The following CNTN4 variants were observed in gnomAD, a reference collection of about 807,000 sequenced individuals.
CNTN4 encodes contactin-4.
In CNTN4, 77 loss-of-function variants were observed where a neutral mutation model predicts 122.5. The observed-to-expected ratio is 0.63, with a 90% CI of 0.52 to 0.76. The LOEUF is 0.76. Among genes scored for constraint, CNTN4 ranks in the 30% least tolerant of loss-of-function variants. The pLI, the probability that CNTN4 is intolerant of heterozygous loss-of-function variation, is 0.00. For missense variants in CNTN4, 1,256 were observed against 1,259.1 expected (o/e 1.00, Z 0.04); for synonymous variants, 512 against 447.0 (o/e 1.15, Z -1.83).
At chr3:2,771,537 A>G (rs75687255) in intron 6 of CNTN4, among the ~76,000 whole-genome samples, 9,303 of 152,246 alleles carry the variant, frequency 0.061, 369 homozygotes, top group Non-Finnish European at 0.091. Flanking sequence ...TTCTCTGTAT[A>G]ATGGGGATGA....
At chr3:2,268,468 G>A (rs921457265) in intron 2 of CNTN4, among the ~76,000 whole-genome samples, 2 of 151,034 alleles carry the variant, frequency 1.3e-5, no homozygotes, top group Non-Finnish European at 2.9e-5. Flanking sequence ...TAAATTTTAA[G>A]CTCCTTGGGA....
chr3:2,669,588 C>T (rs1010489511), intron 4 of CNTN4, among the ~76,000 whole-genome samples: 4 of 152,086 alleles, frequency 2.6e-5, no homozygotes, highest in Admixed American at 1.3e-4. Context: ...GTGTCTCTAT[C>T]TCCTTCAGTT....
At chr3:2,573,443 C>G (rs1169577682) in intron 4 of CNTN4, among the ~76,000 whole-genome samples, 1 of 152,186 alleles carries the variant, frequency 6.6e-6, no homozygotes, top group Non-Finnish European at 1.5e-5. Flanking sequence ...TTGTTTTTCT[C>G]TGGGACCTTG....
intron 10 of CNTN4, among the ~76,000 whole-genome samples, chr3:2,894,659 T>A (rs1172712917): frequency 6.6e-6 from 1 of 151,934 alleles, no homozygotes; most frequent in Non-Finnish European, 1.5e-5. Context: ...TTCAGCTGAG[T>A]AAGAGCAGAT....
intron 13 of CNTN4, among the ~76,000 whole-genome samples, chr3:2,961,890 A>T (rs2094864114): frequency 6.6e-6 from 1 of 152,220 alleles, no homozygotes; most frequent in East Asian, 1.9e-4. Flanking sequence ...TCTACAATCC[A>T]TTTGATACTC....
chr3:2,527,178 G>A (rs1195665725), intron 3 of CNTN4, among the ~76,000 whole-genome samples: 1 of 152,168 alleles, frequency 6.6e-6, no homozygotes, highest in Non-Finnish European at 1.5e-5. Flanking sequence ...CACTGTTGGT[G>A]TGAACTCTGG....
At position 2,658,890 on chromosome 3, in the gene CNTN4, T is replaced by C. The variant is rs114757605; in HGVS notation, c.56-77325T>C. 6.2e-3 allele frequency among the ~76,000 whole-genome samples: 937 copies of C among 151,710 alleles called. 9 individuals are homozygous for C. The highest frequency in any genetic ancestry group is 0.022 in the African/African-American group (898 of 41,348). ...CCAGAAAGGGATAAGCTGCAAATCA[T>C]GAATCCATAAGAATAAATACCTACT... is the stretch of plus-strand genomic sequence containing the variant. On this transcript the variant is annotated intron_variant, in intron 4 of 24. Transcript: ENST00000418658.
At chr3:2,368,071 C>CA (rs1559491937) in intron 3 of CNTN4, among the ~76,000 whole-genome samples, 7 of 137,744 alleles carry the variant, frequency 5.1e-5, no homozygotes, top group African/African-American at 2.0e-4. Flanking sequence ...GTCGCTCTGT[C>CA]GCCCAGGCTG....
intron 4 of CNTN4, among the ~76,000 whole-genome samples, chr3:2,729,853 G>A (rs558570018): frequency 6.6e-6 from 1 of 152,296 alleles, no homozygotes; most frequent in East Asian, 1.9e-4. Flanking sequence ...GGCGGAGGTT[G>A]CAGTGAGCAG....
chr3:2,493,608 G>T (rs1464720518), intron 3 of CNTN4, among the ~76,000 whole-genome samples: 1 of 151,492 alleles, frequency 6.6e-6, no homozygotes, highest in Non-Finnish European at 1.5e-5. Context: ...ATTCATTTTG[G>T]AAGGAACTGC....
At chr3:2,481,347 G>C (rs2076000107) in intron 3 of CNTN4, among the ~76,000 whole-genome samples, 1 of 151,912 alleles carries the variant, frequency 6.6e-6, no homozygotes, top group Non-Finnish European at 1.5e-5. Flanking sequence ...CACCATGTTT[G>C]CCAGACTGAT....
At chr3:2,313,709 A>G (rs1277960355) in intron 2 of CNTN4, among the ~76,000 whole-genome samples, 1 of 151,982 alleles carries the variant, frequency 6.6e-6, no homozygotes, top group African/African-American at 2.4e-5. Context: ...GAAAAACACT[A>G]TAGAGTAACA....
intron 3 of CNTN4, among the ~76,000 whole-genome samples, chr3:2,428,513 C>T (rs979587244): frequency 1.2e-4 from 18 of 152,116 alleles, no homozygotes; most frequent in Admixed American, 5.9e-4. Flanking sequence ...ACATTTTTTC[C>T]TTCATTTCAA....
intron 3 of CNTN4, among the ~76,000 whole-genome samples, chr3:2,481,041 C>CTT (rs1160840891): frequency 7.1e-6 from 1 of 140,058 alleles, no homozygotes; most frequent in Non-Finnish European, 1.5e-5. Context: ...TCTTTTCTTT[C>CTT]TTTCTTTCTT....
chr3:2,682,348 G>T (rs2085206844), intron 4 of CNTN4, among the ~76,000 whole-genome samples: 1 of 152,190 alleles, frequency 6.6e-6, no homozygotes, highest in South Asian at 2.1e-4. Flanking sequence ...CGTTCACTAG[G>T]CTCTAGGTTA....
intron 6 of CNTN4, among the ~76,000 whole-genome samples, chr3:2,772,320 G>A (rs1009173234): frequency 7.3e-6 from 1 of 136,274 alleles, no homozygotes; most frequent in East Asian, 2.2e-4. Context: ...CAAAGGCAGT[G>A]AAAGTAGAGG....
intron 2 of CNTN4, among the ~76,000 whole-genome samples, chr3:2,222,678 C>G (rs2039108067): frequency 6.6e-6 from 1 of 151,764 alleles, no homozygotes; most frequent in Non-Finnish European, 1.5e-5. Flanking sequence ...AACACACACC[C>G]CAGGGTACCA....
At chr3:2,132,435 T>A (rs559125114) in intron 2 of CNTN4, 1 of 152,310 alleles carries the variant, frequency 6.6e-6, no homozygotes, top group South Asian at 2.1e-4. Context: ...ATAGCAGATA[T>A]CCAGAAACAG....
chr3:2,143,741 T>G (rs975344164), intron 2 of CNTN4, among the ~76,000 whole-genome samples: 5 of 152,220 alleles, frequency 3.3e-5, no homozygotes, highest in African/African-American at 1.2e-4. Flanking sequence ...AGTTAAATGA[T>G]TGCCCAGGAT....
Sources: allele counts gnomAD v4.1 joint callset (sites outside exome capture counted in the v4.1 genomes callset), GRCh38; gene constraint gnomAD v4.1.1; transcripts MANE v1.5; gene names NCBI Gene and HGNC (gene_info 2026-07-23, HGNC 2026-07-21).